The following LCN12 variants were observed in gnomAD, a reference collection of about 807,000 sequenced individuals.
The protein encoded by LCN12 is epididymal-specific lipocalin-12.
Under a neutral mutation model 23.7 loss-of-function variants are expected in LCN12, and 15 were observed. The ratio of observed to expected loss-of-function variants is 0.63; its 90% CI spans 0.42 to 0.97. LCN12 has a LOEUF of 0.97. Among genes scored for constraint, LCN12 ranks in the 50% least tolerant of loss-of-function variants. The pLI is 0.00. For synonymous variants in LCN12, 116 were observed against 111.5 expected, an observed-to-expected ratio of 1.04 and a Z score of -0.25; for missense variants, 219 against 249.6, an observed-to-expected ratio of 0.88 and a Z score of 0.83.
intron 1 of LCN12, 103 bp from the exon 2 acceptor site, chr9:136,952,789 T>C: frequency 7.2e-7 from 1 of 1,383,252 alleles, no homozygotes; most frequent in East Asian, 2.3e-5. Flanking sequence ...AGCACTGCTC[T>C]GTGAGGGGTC....
chr9:136,949,203 G>T (rs1002383570), upstream of LCN12, among the ~76,000 whole-genome samples: 1 of 152,188 alleles, frequency 6.6e-6, no homozygotes, highest in African/African-American at 2.4e-5. Context: ...GATCTGACTG[G>T]GTGGGCAACA....
upstream of LCN12, among the ~76,000 whole-genome samples, chr9:136,949,969 C>T (rs529943617): frequency 8.5e-5 from 13 of 152,312 alleles, no homozygotes; most frequent in South Asian, 2.3e-3. Context: ...CTGGCGTGTG[C>T]TGCCGCGCCC....
At chr9:136,955,647 G>T, downstream of LCN12, 2 of 508,266 alleles carry the variant, frequency 3.9e-6, no homozygotes, top group East Asian at 6.4e-5. Flanking sequence ...GACTCTGTCA[G>T]TGAGGGCATG....
At chr9:136,953,827 G>A (rs1296819932) in intron 3 of LCN12, 21 bp from the exon 4 acceptor site, 4 of 1,596,872 alleles carry the variant, frequency 2.5e-6, no homozygotes, top group East Asian at 2.3e-5. Flanking sequence ...CCACAGGGAT[G>A]TGACGTCTGT....
chr9:136,953,857 C>A lies in LCN12; in HGVS notation c.341C>A (p.Ala114Glu). Reference sequence around the variant, plus strand: ...GTCTGTGCCGCCTCAGAGCCCGGGGCGGACAGAGAGGAGACCCGGGTGGTG... The same window carrying A: ...GTCTGTGCCGCCTCAGAGCCCGGGGAGGACAGAGAGGAGACCCGGGTGGTG... ...FTVDHGVEPGADREETRVVDS... is the reference protein window; with the variant it reads ...FTVDHGVEPGEDREETRVVDS... Residue 114 changes from alanine to glutamate, a missense_variant, in exon 4 of 6, where the codon GCG becomes GAG. Transcript: ENST00000371633. 6.2e-7 allele frequency: 1 copy of A among 1,600,628 alleles called. No individual in the cohort carries two copies.
rs1851294878 is a variant in LCN12 at position 136,955,191 on chromosome 9, G to C, written c.551-180G>C. 3 of 1,420,514 alleles carry C rather than the reference G, an allele frequency of 2.1e-6. No homozygotes were observed. The South Asian group carries it at 4.6e-5, about 22-fold the overall frequency. 88.0% of individuals were successfully genotyped at this position (1,420,514 alleles called of 1,614,324 possible). On this transcript the variant is annotated intron_variant, in intron 5 of 5. Coordinates refer to ENST00000371633, the MANE Select transcript of LCN12 (RefSeq NM_178536.4). ...GGAGCCGCTGTGGGCCACATCTTCT[G>C]CCCCTTCTCAGCCTCCCTCACCCCA...
rs765626428 is a variant in LCN12, at chr9:136,953,708, A to G, written c.260A>G (p.His87Arg). 3.1e-6 allele frequency: 5 copies of G among 1,593,784 alleles called. No homozygotes were observed. The highest frequency in any genetic ancestry group is 4.3e-6 in the Non-Finnish European group (5 of 1,170,050). The change falls in exon 3 of 6, where the codon CAC (histidine) becomes CGC (arginine). Residue 87 changes from histidine to arginine, a missense_variant. By Grantham distance (29) the His-to-Arg change is conservative (BLOSUM62 0). Transcript: ENST00000371633. Reference sequence around the variant, plus strand: ...CCTGTCCCCTCCTACAGAGGCCAGCACTGTGACACATGGTCTTATGTGCTG... The same window carrying G: ...CCTGTCCCCTCCTACAGAGGCCAGCGCTGTGACACATGGTCTTATGTGCTG... ...EVWNAMTRGQ[H>R]CDTWSYVLIP... is the part of the protein sequence containing the mutation.
In LCN12 at chr9:136,953,763, TG is replaced by T; in HGVS notation, c.316del (p.Val106TrpfsTer26). Reference protein sequence around the residue: ...IPAAQPGQFTVDHGVEPGADR... With the variant: ...IPAAQPGQFTXDHGVEPGADR... ...CGGCAGCCCAGCCTGGGCAGTTCAC[TG>T]TGGACCACGGTGTGGGTAAGCCAGT... On this transcript the variant is annotated frameshift_variant, in exon 3 of 6. Coordinates refer to ENST00000371633, the MANE Select transcript of LCN12 (RefSeq NM_178536.4). LOFTEE classifies it high-confidence loss of function. 2 of 1,606,464 alleles carry T rather than the reference TG, an allele frequency of 1.2e-6. No individual in the cohort carries two copies. Among genetic ancestry groups the T allele is most frequent in the Non-Finnish European group, 1.7e-6 (2 of 1,176,844 alleles).
At chr9:136,951,649 G>A (rs1366949154), upstream of LCN12, among the ~76,000 whole-genome samples, 4 of 152,224 alleles carry the variant, frequency 2.6e-5, no homozygotes, top group African/African-American at 4.8e-5. Flanking sequence ...CAGAGACTGC[G>A]TTTAAAATGC....
chr9:136,952,649 G>A (rs891720521), intron 1 of LCN12: 47 of 627,842 alleles, frequency 7.5e-5, no homozygotes, highest in Non-Finnish European at 1.1e-4. Flanking sequence ...CCAGCCCATC[G>A]CTCCCTCTGT....
intron 5 of LCN12, chr9:136,954,533 TC>T (rs1246835825): frequency 2.6e-6 from 1 of 377,746 alleles, no homozygotes; most frequent in South Asian, 2.1e-5. Context: ...CCGGGCCACC[TC>T]CCCCTGCCCC....
chr9:136,953,462 G>A lies in LCN12; in HGVS notation c.252-238G>A, dbSNP rs999915078. ...AATCCCAGCACTTTAGGGGCCGGGC[G>A]CAGTGGCGCACACCTGTAATCCCAG... On this transcript the variant is annotated intron_variant, in intron 2 of 5. Coordinates refer to ENST00000371633, the MANE Select transcript of LCN12 (RefSeq NM_178536.4). The A allele has an allele frequency of 3.2e-5, 16 of 493,334 alleles. 1 individual carries two copies. The highest frequency in any genetic ancestry group is 1.8e-4 in the East Asian group (5 of 27,072). The allele number at this position is 493,334 out of a possible 1,614,324, so 30.6% of individuals were successfully genotyped here.
At chr9:136,956,119 C>T (rs1247615762), downstream of LCN12, among the ~76,000 whole-genome samples, 1 of 152,142 alleles carries the variant, frequency 6.6e-6, no homozygotes, top group African/African-American at 2.4e-5. Flanking sequence ...ACGCCCACCC[C>T]CACCGGCCAG....
chr9:136,954,584 C>T (rs1004837109), intron 5 of LCN12: 5 of 529,856 alleles, frequency 9.4e-6, no homozygotes, highest in African/African-American at 1.9e-5. Context: ...CCTCCTCCCA[C>T]CCCGGGTCTC....
intron 5 of LCN12, chr9:136,955,131 C>G (rs1375251604): frequency 1.8e-5 from 25 of 1,417,866 alleles, no homozygotes; most frequent in Non-Finnish European, 2.1e-5. Flanking sequence ...GGGACAGGGA[C>G]AGGTGAGGGG....
At chr9:136,955,119 T>C (rs1046476801) in intron 5 of LCN12, 16 of 1,415,854 alleles carry the variant, frequency 1.1e-5, no homozygotes, top group Non-Finnish European at 1.5e-5. Flanking sequence ...TGGGGGCCCA[T>C]GGGGACAGGG....
upstream of LCN12, among the ~76,000 whole-genome samples, chr9:136,950,226 C>G (rs1199519507): frequency 6.6e-6 from 1 of 152,224 alleles, no homozygotes; most frequent in Non-Finnish European, 1.5e-5. Context: ...GCGCGCCGAA[C>G]CCATTGTCGT....
chr9:136,951,557 C>A (rs1361078496), upstream of LCN12, among the ~76,000 whole-genome samples: 1 of 152,234 alleles, frequency 6.6e-6, no homozygotes, highest in African/African-American at 2.4e-5. Context: ...GCCTGGCCTA[C>A]TAATCCTTTC....
chr9:136,955,840 T>A (rs1200301719), downstream of LCN12, among the ~76,000 whole-genome samples: 1 of 152,096 alleles, frequency 6.6e-6, no homozygotes, highest in Non-Finnish European at 1.5e-5. Context: ...GGCTGGAGCT[T>A]GCCCCGGAAA....
Sources: gnomAD v4.1 joint callset for allele counts (sites outside exome capture counted in the v4.1 genomes callset) on GRCh38, gnomAD v4.1.1 for gene constraint, MANE v1.5 for transcripts, NCBI Gene and HGNC (gene_info 2026-07-23, HGNC 2026-07-21) for gene names.